ARMC2: variants seen among roughly 807,000 people sequenced by gnomAD.
ARMC2 encodes the protein armadillo repeat containing 2.
ARMC2 carries 67 observed loss-of-function variants against 90.3 expected under a neutral mutation model. The ratio of observed to expected loss-of-function variants is 0.74; its 90% confidence interval spans 0.61 to 0.91. ARMC2 has a LOEUF of 0.91. ARMC2 is among the 40% of genes least tolerant of loss of function. The pLI, the probability that ARMC2 is intolerant of heterozygous loss-of-function variation, is 0.00. For synonymous variants in ARMC2, 393 were observed against 393.0 expected (o/e 1.00, Z 0.00); for missense variants, 920 against 1,030.9 (o/e 0.89, Z 1.47).
At chr6:108,878,314 C>T (rs922297159) in intron 5 of ARMC2, among the ~76,000 whole-genome samples, 1 of 152,046 alleles carries the variant, frequency 6.6e-6, no homozygotes, top group African/African-American at 2.4e-5. Flanking sequence ...CATAAAGTGG[C>T]AATTGTCAGT....
the ARMC2 span, among the ~76,000 whole-genome samples, chr6:109,022,665 C>T: frequency 6.6e-6 from 1 of 151,900 alleles, no homozygotes; most frequent in African/African-American, 2.4e-5. Context: ...CTGTCCGCCT[C>T]GGCCTCCCAA....
chr6:108,894,625 A>G, intron 6 of ARMC2, 82 bp downstream of exon 6: 1 of 1,243,284 alleles, frequency 8.0e-7, no homozygotes, highest in Admixed American at 2.6e-5. Flanking sequence ...TATGTTGGCC[A>G]CTGGAAACTT....
At chr6:108,992,794 C>T in the ARMC2 span, 28 of 1,608,854 alleles carry the variant, frequency 1.7e-5, no homozygotes, top group Admixed American at 1.3e-4. Context: ...TACCTGGACA[C>T]GAAATGTTGG....
Position 108,928,184 on chromosome 6 carries a change from C to G in ARMC2, c.1447C>G (p.Gln483Glu), listed in dbSNP as rs1285219610. 9.3e-6 allele frequency: 15 copies of G among 1,612,446 alleles called. No homozygotes were observed. Among genetic ancestry groups the G allele is most frequent in the Non-Finnish European group, 1.3e-5 (15 of 1,179,388 alleles). ...TCCCCAGCTCTGCACGGCAATGGAA[C>G]AGTACAAGGGTGACAAGGACGTCTG... ...ALPQLCTAME[Q>E]YKGDKDVCTN... is the part of the protein sequence containing the mutation. The change falls in exon 11 of 18, where the codon CAG (glutamine) becomes GAG (glutamate). Residue 483 changes from glutamine to glutamate, a missense_variant. Coordinates refer to ENST00000392644, the MANE Select transcript of ARMC2 (RefSeq NM_032131.6).
chr6:108,878,216 C>T (rs1339663914), intron 5 of ARMC2, among the ~76,000 whole-genome samples: 1 of 152,194 alleles, frequency 6.6e-6, no homozygotes. Context: ...GTGACTAATT[C>T]CAAGAAATGA....
At chr6:109,036,603 C>T in the ARMC2 span, among the ~76,000 whole-genome samples, 1 of 152,130 alleles carries the variant, frequency 6.6e-6, no homozygotes, top group Non-Finnish European at 1.5e-5. Context: ...GTTCTTAATA[C>T]ACTATAATAT....
chr6:108,932,516 C>CTA (rs774929036), intron 11 of ARMC2, among the ~76,000 whole-genome samples: 4 of 77,894 alleles, frequency 5.1e-5, no homozygotes, highest in African/African-American at 2.4e-4. Flanking sequence ...TTCTCCATTG[C>CTA]TTTTTTTTTT....
chr6:109,009,244 C>G, the ARMC2 span: 1 of 1,018,216 alleles, frequency 9.8e-7, no homozygotes, highest in African/African-American at 1.7e-5. Flanking sequence ...TTTTCGGATG[C>G]TGACCGGGAG....
chr6:108,878,962 C>T (rs1156515669), intron 5 of ARMC2, among the ~76,000 whole-genome samples: 1 of 151,734 alleles, frequency 6.6e-6, no homozygotes, highest in African/African-American at 2.4e-5. Context: ...GACACCCATT[C>T]ATCCACCCAT....
intron 1 of ARMC2, among the ~76,000 whole-genome samples, chr6:108,850,232 A>C (rs1773869658): frequency 6.6e-6 from 1 of 152,218 alleles, no homozygotes; most frequent in African/African-American, 2.4e-5. Context: ...CACCCTCTAG[A>C]GGTCCTGTGG....
chr6:108,883,878 C>T (rs1777825149), intron 5 of ARMC2, among the ~76,000 whole-genome samples: 1 of 151,976 alleles, frequency 6.6e-6, no homozygotes. Context: ...CTATCTTTTC[C>T]TCTGAACATC....
downstream of ARMC2, among the ~76,000 whole-genome samples, chr6:108,975,595 G>A (rs1479533813): frequency 1.3e-5 from 2 of 152,120 alleles, no homozygotes; most frequent in African/African-American, 2.4e-5. Flanking sequence ...TCTTCCCAAT[G>A]GTTGAACTAA....
intron 6 of ARMC2, among the ~76,000 whole-genome samples, chr6:108,896,081 T>C (rs1376161354): frequency 1.3e-5 from 2 of 152,206 alleles, no homozygotes; most frequent in African/African-American, 4.8e-5. Flanking sequence ...GACTTCTGTG[T>C]CATTGGGAAT....
At chr6:108,863,984 A>G (rs191566309) in intron 3 of ARMC2, among the ~76,000 whole-genome samples, 1 of 152,348 alleles carries the variant, frequency 6.6e-6, no homozygotes, top group African/African-American at 2.4e-5. Context: ...TAAGTGAAAC[A>G]AAATTTAATA....
chr6:108,876,283 A>G lies in ARMC2; in HGVS notation c.604A>G (p.Ser202Gly). Residue 202 changes from serine (S) to glycine (G), a missense_variant, in exon 5 of 18, where the codon AGT (serine) becomes GGT (glycine). By Grantham distance (56) the Ser-to-Gly change is moderately conservative. Coordinates refer to ENST00000392644, the MANE Select transcript of ARMC2 (RefSeq NM_032131.6). ...PLQLTDDGGF[S>G]EIKEQEMFKG... is the part of the protein sequence containing the mutation. ...TCAGCTAACTGATGATGGAGGCTTC[A>G]GTGAAATAAAGGAGCAAGAAATGTT... 1 of 1,613,062 alleles carries G rather than the reference A, an allele frequency of 6.2e-7. No individual in the cohort carries two copies. The highest frequency in any genetic ancestry group is 1.1e-5 in the South Asian group (1 of 90,656).
chr6:109,048,997 T>C, the ARMC2 span, among the ~76,000 whole-genome samples: 6 of 152,328 alleles, frequency 3.9e-5, no homozygotes, highest in Admixed American at 3.3e-4. Flanking sequence ...CTTTGTCCTT[T>C]TTGCTTAGCA....
At chr6:109,008,010 T>C in the ARMC2 span, among the ~76,000 whole-genome samples, 1 of 152,176 alleles carries the variant, frequency 6.6e-6, no homozygotes, top group Non-Finnish European at 1.5e-5. Flanking sequence ...TATAAAGCAT[T>C]CCTTCCTAAG....
intron 5 of ARMC2, among the ~76,000 whole-genome samples, chr6:108,880,730 C>A (rs1416501895): frequency 6.7e-6 from 1 of 148,792 alleles, no homozygotes; most frequent in East Asian, 2.0e-4. Context: ...TCCCCCTTCC[C>A]TCTCCCTCTT....
In ARMC2 at chr6:108,885,042, A is replaced by G. The variant is rs80291578; in HGVS notation, c.671+8692A>G. Among the ~76,000 whole-genome samples, 641 of 152,318 alleles carry G rather than the reference A, an allele frequency of 4.2e-3. 3 individuals carry two copies. Among genetic ancestry groups the G allele is most frequent in the African/African-American group, 0.014 (597 of 41,556 alleles). ...GTTACAAGGGCTTTTCACATGCAGT[A>G]CCTTGAAACTGTGGGGCTTTGAATG... On this transcript the variant is annotated intron_variant, in intron 5 of 17. Transcript: ENST00000392644.
Sources: allele counts gnomAD v4.1 joint callset (sites outside exome capture counted in the v4.1 genomes callset), GRCh38; gene constraint gnomAD v4.1.1; transcripts MANE v1.5; gene names NCBI Gene and HGNC (gene_info 2026-07-23, HGNC 2026-07-21).